Variants in PLD5 observed in about 807,000 individuals in gnomAD.
PLD5 encodes the protein inactive phospholipase D5.
A neutral mutation model predicts 61.1 loss-of-function variants in PLD5; 36 were observed. The observed-to-expected ratio is 0.59, with a 90% CI of 0.45 to 0.78. The LOEUF (loss-of-function observed/expected upper bound fraction) is 0.78, where lower values mean the gene tolerates loss of function less well. Ranked by LOEUF, PLD5 falls within the 30% of genes least tolerant of loss-of-function variation. The pLI, the probability that PLD5 is intolerant of heterozygous loss-of-function variation, is 0.00. For synonymous variants in PLD5, 243 were observed against 242.8 expected, an observed-to-expected ratio of 1.00 and a Z score of -0.01; for missense variants, 515 against 644.4, an observed-to-expected ratio of 0.80 and a Z score of 2.17.
chr1:242,524,345 A>G lies in PLD5; in HGVS notation c.-69T>C. On this transcript the variant is annotated 5_prime_UTR_variant, in exon 1 of 10. Transcript: ENST00000536534. ...CGGGCGCGCGGGGAGCCGGGCGCGG[A>G]GGGCGAGCGGGAGGCCCAGCGGGAG... The G allele has an allele frequency of 7.6e-7, 1 of 1,324,240 alleles. No homozygotes were observed. Among genetic ancestry groups the G allele is most frequent in the East Asian group, 3.1e-5 (1 of 32,066 alleles). 82.0% of individuals were successfully genotyped at this position (1,324,240 alleles called of 1,614,324 possible).
intron 2 of PLD5, among the ~76,000 whole-genome samples, chr1:242,304,556 C>T (rs1482385376): frequency 2.0e-5 from 3 of 152,078 alleles, no homozygotes; most frequent in Non-Finnish European, 4.4e-5. Flanking sequence ...ACTTTCAGAC[C>T]CCCAAAAGTA....
chr1:242,526,594 C>G (rs1240569932), upstream of PLD5, among the ~76,000 whole-genome samples: 2 of 152,160 alleles, frequency 1.3e-5, no homozygotes, highest in South Asian at 2.1e-4. Context: ...CGTCACCACG[C>G]CCAGCTAATT....
At chr1:242,377,257 C>T (rs1053932908) in intron 1 of PLD5, 25 of 1,610,372 alleles carry the variant, frequency 1.6e-5, no homozygotes, top group African/African-American at 1.3e-4. Context: ...GGGACGTGTT[C>T]GTGGAACTGC....
Position 242,524,326 on chromosome 1 carries a change from CGCGGGGAGCCGGGCGCGGAGGGCGA to C in PLD5, c.-75_-51del, listed in dbSNP as rs1669376731. The C allele has an allele frequency of 7.4e-7, 1 of 1,351,532 alleles. No individual in the cohort carries two copies. The highest frequency in any genetic ancestry group is 3.9e-5 in the Admixed American group (1 of 25,698). 83.7% of individuals were successfully genotyped at this position (1,351,532 alleles called of 1,614,324 possible). On this transcript the variant is annotated 5_prime_UTR_variant, in exon 1 of 10. Coordinates refer to ENST00000536534, the MANE Select transcript of PLD5 (RefSeq NM_001372062.1). ...GCGAGCAGCGGACTCGGGACGGGCG[CGCGGGGAGCCGGGCGCGGAGGGCGA>C]GCGGGAGGCCCAGCGGGAGCCGGAG... is the stretch of plus-strand genomic sequence containing the variant.
intron 1 of PLD5, among the ~76,000 whole-genome samples, chr1:242,426,451 G>A (rs1390766566): frequency 6.6e-6 from 1 of 152,186 alleles, no homozygotes; most frequent in East Asian, 1.9e-4. Flanking sequence ...CAGGGCATGG[G>A]CCATGCTTTT....
chr1:242,358,976 A>G (rs115514862), intron 1 of PLD5, among the ~76,000 whole-genome samples: 3,236 of 152,248 alleles, frequency 0.021, 50 homozygotes, highest in East Asian at 0.033. Flanking sequence ...TAGGGTCAAA[A>G]GCTAGACATG....
intron 1 of PLD5, among the ~76,000 whole-genome samples, chr1:242,459,051 G>A (rs1194184619): frequency 1.3e-5 from 2 of 152,136 alleles, no homozygotes; most frequent in African/African-American, 4.8e-5. Flanking sequence ...ACTCGGATGT[G>A]GAATTCTCAG....
chr1:242,494,117 T>A (rs1572241637), intron 1 of PLD5, among the ~76,000 whole-genome samples: 1 of 75,432 alleles, frequency 1.3e-5, no homozygotes, highest in Non-Finnish European at 2.4e-5. Context: ...TCTCCTCCCC[T>A]CTCCTCCCCT....
intron 5 of PLD5, among the ~76,000 whole-genome samples, chr1:242,185,817 A>G (rs1267242564): frequency 2.0e-5 from 3 of 151,938 alleles, no homozygotes; most frequent in Non-Finnish European, 4.4e-5. Context: ...GTCTTTTACT[A>G]TATTTTTTTT....
intron 3 of PLD5, among the ~76,000 whole-genome samples, chr1:242,278,919 C>T (rs1295278269): frequency 1.3e-5 from 2 of 152,202 alleles, no homozygotes; most frequent in Non-Finnish European, 2.9e-5. Context: ...TAAAGGGGCA[C>T]TCTTTCCGTG....
intron 9 of PLD5, among the ~76,000 whole-genome samples, chr1:242,090,530 C>T (rs1430000436): frequency 1.3e-5 from 2 of 152,202 alleles, no homozygotes; most frequent in African/African-American, 2.4e-5. Flanking sequence ...TTATAAGTCC[C>T]TGAAGCTTTC....
chr1:242,207,824 TTA>T lies in PLD5; in HGVS notation c.735+12162_735+12163del, dbSNP rs1302458514. Among the ~76,000 whole-genome samples, 52 of 51,896 alleles carry T rather than the reference TTA, an allele frequency of 1.0e-3. 3 individuals carry two copies. The highest frequency in any genetic ancestry group is 3.2e-3 in the South Asian group (4 of 1,234). The allele number at this position is 51,896 out of a possible 152,430, so 34.0% of individuals were successfully genotyped here. A position where few individuals can be genotyped will look rare whatever the true frequency, so the allele number is the denominator to read the frequency against. ...TTTATATATATTTATATTTATATAT[TTA>T]TATATATTTATATATTTATATATAT... On this transcript the variant is annotated intron_variant, in intron 5 of 9. Coordinates refer to ENST00000536534, the MANE Select transcript of PLD5 (RefSeq NM_001372062.1).
Position 242,089,164 on chromosome 1 carries a change from T to A in PLD5, c.*690A>T. ...GAAAGACTGCTATTTCCACTTAGTA[T>A]CCATTCTGAAAAATTTGTATGTTTT... is the stretch of plus-strand genomic sequence containing the variant. On this transcript the variant is annotated 3_prime_UTR_variant, in exon 10 of 10. Transcript: ENST00000536534. The A allele has an allele frequency of 2.5e-6, 1 of 394,816 alleles. No homozygotes were observed. Among genetic ancestry groups the A allele is most frequent in the East Asian group, 3.6e-5 (1 of 27,830 alleles). The allele number at this position is 394,816 out of a possible 1,614,324, so 24.5% of individuals were successfully genotyped here.
intron 5 of PLD5, among the ~76,000 whole-genome samples, chr1:242,219,420 A>G (rs1670424314): frequency 6.6e-6 from 1 of 152,178 alleles, no homozygotes; most frequent in Admixed American, 6.5e-5. Flanking sequence ...GCATCCAATG[A>G]CTAGGAACCT....
intron 1 of PLD5, among the ~76,000 whole-genome samples, chr1:242,499,271 T>A (rs1207505994): frequency 6.6e-6 from 1 of 152,202 alleles, no homozygotes. Flanking sequence ...ACTTCTTTTC[T>A]CAGGCTTTAT....
chr1:242,530,306 G>A, the PLD5 span, among the ~76,000 whole-genome samples: 2 of 152,236 alleles, frequency 1.3e-5, no homozygotes, highest in African/African-American at 4.8e-5. Context: ...AATCTGTCAA[G>A]ATGCTATGGT....
chr1:242,232,069 A>C (rs757553847), intron 4 of PLD5, among the ~76,000 whole-genome samples: 2 of 152,110 alleles, frequency 1.3e-5, no homozygotes, highest in Non-Finnish European at 2.9e-5. Context: ...AGGAGAAGAA[A>C]TTATAAATAA....
chr1:242,157,237 C>G (rs868255127), intron 5 of PLD5, among the ~76,000 whole-genome samples: 2 of 152,174 alleles, frequency 1.3e-5, no homozygotes, highest in South Asian at 4.1e-4. Flanking sequence ...ACTGGATATT[C>G]TAGTTAGCAA....
intron 1 of PLD5, among the ~76,000 whole-genome samples, chr1:242,434,167 G>A (rs1375985304): frequency 1.3e-5 from 2 of 152,222 alleles, no homozygotes; most frequent in Non-Finnish European, 2.9e-5. Context: ...AGTTACCATA[G>A]TGTAGGCAGA....
Sources: allele counts gnomAD v4.1 joint callset (sites outside exome capture counted in the v4.1 genomes callset), GRCh38; gene constraint gnomAD v4.1.1; transcripts MANE v1.5; gene names NCBI Gene and HGNC (gene_info 2026-07-23, HGNC 2026-07-21).